The following PTPN12 variants were observed in gnomAD, a reference collection of about 807,000 sequenced individuals.
PTPN12 encodes the protein tyrosine-protein phosphatase non-receptor type 12.
In PTPN12, 29 loss-of-function variants were observed where a neutral mutation model predicts 97.6. The ratio of observed to expected loss-of-function variants is 0.30; its 90% CI spans 0.22 to 0.41. The LOEUF (loss-of-function observed/expected upper bound fraction) is 0.41, where lower values mean the gene tolerates loss of function less well. Ranked by LOEUF, PTPN12 falls within the 10% of genes least tolerant of loss-of-function variation. The probability of loss-of-function intolerance (pLI) is 1.00; values close to 1 mark genes in which losing one functional copy is unlikely to be tolerated. For missense variants in PTPN12, 819 were observed against 926.0 expected, an observed-to-expected ratio of 0.88 and a Z score of 1.50; for synonymous variants, 327 against 300.4, an observed-to-expected ratio of 1.09 and a Z score of -0.91.
chr7:77,566,201 A>G (rs943642708), intron 1 of PTPN12, among the ~76,000 whole-genome samples: 14 of 152,240 alleles, frequency 9.2e-5, no homozygotes, highest in African/African-American at 3.4e-4. Context: ...GTAATTCTAT[A>G]TGACTAAAGC....
intron 2 of PTPN12, among the ~76,000 whole-genome samples, chr7:77,578,530 AGAC>A (rs2151327514): frequency 6.6e-6 from 1 of 152,344 alleles, no homozygotes; most frequent in South Asian, 2.1e-4. Context: ...TTTCTAAAGA[AGAC>A]TTTTTTAAAA....
At chr7:77,632,001 T>G (rs1366521571) in intron 13 of PTPN12, among the ~76,000 whole-genome samples, 1 of 152,192 alleles carries the variant, frequency 6.6e-6, no homozygotes, top group South Asian at 2.1e-4. Context: ...ATAACGCAAA[T>G]GACCAAAGCT....
At chr7:77,615,950 T>C (rs1250094608) in intron 11 of PTPN12, among the ~76,000 whole-genome samples, 4 of 152,226 alleles carry the variant, frequency 2.6e-5, no homozygotes, top group Non-Finnish European at 1.5e-5. Context: ...CAGTTCTGCA[T>C]TGTCACATTG....
intron 16 of PTPN12, among the ~76,000 whole-genome samples, chr7:77,638,106 C>T (rs1420710226): frequency 3.3e-5 from 5 of 150,882 alleles, no homozygotes; most frequent in Non-Finnish European, 7.4e-5. Context: ...TACAGGCGCC[C>T]GCCACCACGC....
intron 13 of PTPN12, among the ~76,000 whole-genome samples, chr7:77,631,075 C>T (rs769833535): frequency 5.9e-5 from 9 of 152,060 alleles, no homozygotes; most frequent in Non-Finnish European, 1.2e-4. Flanking sequence ...TACCAGAATG[C>T]CAAGATTATG....
intron 5 of PTPN12, among the ~76,000 whole-genome samples, chr7:77,586,821 C>CA (rs1252917580): frequency 6.6e-6 from 1 of 152,138 alleles, no homozygotes; most frequent in Non-Finnish European, 1.5e-5. Flanking sequence ...GCATCTTCAC[C>CA]AAAAGTATAT....
intron 6 of PTPN12, among the ~76,000 whole-genome samples, chr7:77,593,372 A>C (rs1466572091): frequency 6.6e-6 from 1 of 152,174 alleles, no homozygotes; most frequent in African/African-American, 2.4e-5. Context: ...GTGCATGTGT[A>C]TACATTTAAG....
At chr7:77,603,181 CAA>C (rs1788243157) in intron 8 of PTPN12, among the ~76,000 whole-genome samples, 1 of 152,046 alleles carries the variant, frequency 6.6e-6, no homozygotes, top group South Asian at 2.1e-4. Flanking sequence ...TAAAAATAAA[CAA>C]TATGTTTAAT....
chr7:77,613,602 C>G (rs935831161), intron 11 of PTPN12, among the ~76,000 whole-genome samples: 1 of 151,932 alleles, frequency 6.6e-6, no homozygotes, highest in Non-Finnish European at 1.5e-5. Context: ...GCCTGGAATC[C>G]CAGCACTTTG....
At chr7:77,568,271 T>C (rs1016507798) in intron 1 of PTPN12, among the ~76,000 whole-genome samples, 3 of 152,224 alleles carry the variant, frequency 2.0e-5, no homozygotes, top group African/African-American at 7.2e-5. Flanking sequence ...ATGAGAAATG[T>C]AGTCATTTCA....
chr7:77,637,783 G>A (rs1219640757), intron 16 of PTPN12, among the ~76,000 whole-genome samples: 4 of 148,400 alleles, frequency 2.7e-5, no homozygotes, highest in Non-Finnish European at 5.9e-5. Flanking sequence ...CTTGAACCCC[G>A]GAGGCAGAGG....
At chr7:77,619,563 G>A (rs1562754810) in intron 12 of PTPN12, among the ~76,000 whole-genome samples, 1 of 152,156 alleles carries the variant, frequency 6.6e-6, no homozygotes, top group Non-Finnish European at 1.5e-5. Context: ...AAGAGGCAGT[G>A]TACTCTGGTA....
At chr7:77,582,039 T>G (rs1455547605) in intron 3 of PTPN12, among the ~76,000 whole-genome samples, 2 of 151,766 alleles carry the variant, frequency 1.3e-5, no homozygotes, top group African/African-American at 2.4e-5. Context: ...ATAGTCTCTT[T>G]TATAACCTTT....
chr7:77,627,659 T>C lies in PTPN12; in HGVS notation c.1980T>C (p.His660=), dbSNP rs780538082. Residue 660 remains histidine, a synonymous_variant, in exon 13 of 18, where the codon CAT becomes CAC. Transcript: ENST00000248594. ...GACATAATATAGCAGGAACAACACA[T>C]TCAGGTGCTGAAAAAGGTAATAATA... ...IARHNIAGTT[H]SGAEKDVDVS... 10 of 1,575,528 alleles carry C rather than the reference T, an allele frequency of 6.3e-6. No homozygotes were observed. Among genetic ancestry groups the C allele is most frequent in the Non-Finnish European group, 7.7e-6 (9 of 1,162,766 alleles).
intron 1 of PTPN12, chr7:77,538,222 C>G: frequency 2.2e-6 from 1 of 450,664 alleles, no homozygotes; most frequent in Non-Finnish European, 2.9e-6. Context: ...AAAGGATTGC[C>G]CATAAGGAAT....
intron 6 of PTPN12, among the ~76,000 whole-genome samples, chr7:77,597,033 C>T (rs974632476): frequency 6.6e-6 from 1 of 152,138 alleles, no homozygotes; most frequent in Non-Finnish European, 1.5e-5. Flanking sequence ...CCTATTCATT[C>T]ATCTCACCCC....
chr7:77,606,219 G>A (rs1282858143), intron 8 of PTPN12, among the ~76,000 whole-genome samples: 1 of 151,976 alleles, frequency 6.6e-6, no homozygotes, highest in Non-Finnish European at 1.5e-5. Context: ...CTCCCAAAGT[G>A]CTGAGATTAC....
At chr7:77,594,164 A>C (rs377485714) in intron 6 of PTPN12, among the ~76,000 whole-genome samples, 48 of 152,232 alleles carry the variant, frequency 3.2e-4, no homozygotes, top group African/African-American at 1.1e-3. Flanking sequence ...TTGTGGGGTA[A>C]ATGTAAAAAT....
chr7:77,600,311 A>T (rs1788151272), intron 7 of PTPN12, among the ~76,000 whole-genome samples: 1 of 152,180 alleles, frequency 6.6e-6, no homozygotes, highest in African/African-American at 2.4e-5. Context: ...TAGTATATAT[A>T]GTGTTATGTT....
Sources: gnomAD v4.1 joint callset for allele counts (sites outside exome capture counted in the v4.1 genomes callset) on GRCh38, gnomAD v4.1.1 for gene constraint, MANE v1.5 for transcripts, NCBI Gene and HGNC (gene_info 2026-07-23, HGNC 2026-07-21) for gene names.